The following FEM1A variants were observed in gnomAD, a reference collection of about 807,000 sequenced individuals.
The protein encoded by FEM1A is protein fem-1 homolog A.
Under a neutral mutation model 0.7 loss-of-function variants are expected in FEM1A, and 1 was observed. The observed-to-expected ratio is 1.35, with a 90% confidence interval of 0.48 to 6.40. The LOEUF (loss-of-function observed/expected upper bound fraction) is 6.40. Ranked by LOEUF, FEM1A falls within the 30% of genes most tolerant of loss-of-function variation. The pLI is 0.14. For synonymous variants in FEM1A, 391 were observed against 420.6 expected (o/e 0.93, Z 0.86); for missense variants, 721 against 918.7 (o/e 0.78, Z 2.78).
At position 4,793,688 on chromosome 19, in the gene FEM1A, G is replaced by A. The variant is rs1282042371; in HGVS notation, c.1834G>A (p.Ala612Thr). 3.1e-6 allele frequency: 5 copies of A among 1,612,928 alleles called. No individual in the cohort carries two copies. Among genetic ancestry groups the A allele is most frequent in the Non-Finnish European group, 3.4e-6 (4 of 1,179,826 alleles). Residue 612 changes from alanine to threonine, a missense_variant, in exon 1 of 1, where the codon GCC becomes ACC. Physicochemically the swap from Ala to Thr is moderately conservative, Grantham distance 58 (BLOSUM62 0). This residue lies in a region of FEM1A where 379 missense variants were observed against 454.8 expected (regional missense o/e 0.83). Coordinates refer to ENST00000269856, the MANE Select transcript of FEM1A (RefSeq NM_018708.3). This position sits in a 1 kb window ranked among gnomAD's most constrained non-coding sequence, Gnocchi z 5.1. The stretch of plus-strand genomic sequence containing the variant: ...AGGGGCCCACATGGACGCCACCAAT[G>A]CCTTCAAGAAGACGGCCTACGAGCT... ...EAGAHMDATN[A>T]FKKTAYELLD...
At position 4,792,949 on chromosome 19, in the gene FEM1A, C is replaced by A. The variant is rs1415085011; in HGVS notation, c.1095C>A (p.Thr365=). Residue 365 remains threonine, a synonymous_variant, in exon 1 of 1, where the codon ACC becomes ACA. Transcript: ENST00000269856. This position sits in a 1 kb window ranked among gnomAD's most constrained non-coding sequence, Gnocchi z 6.7. The stretch of plus-strand genomic sequence containing the variant: ...CCGAGGAGCTGGAGGCGCTGATCAC[C>A]GACCCGGATGAGATGCGCATGCAGG... ...NTTEELEALI[T]DPDEMRMQAL... 3.7e-6 allele frequency: 6 copies of A among 1,612,486 alleles called. No individual in the cohort carries two copies. In the African/African-American group the frequency reaches 4.0e-5, roughly 11 times the overall value.
rs1355242453 is a variant in FEM1A at position 4,791,963 on chromosome 19, G to T, written c.109G>T (p.Glu37Ter). ...SREELDELTG[E>*]VAGGGTPLLI... ...GGAGGAACTGGACGAGCTGACGGGC[G>T]AGGTGGCCGGCGGGGGAACGCCGCT... Residue 37 changes from glutamate to a stop codon, truncating the protein, a stop_gained, in exon 1 of 1, where the codon GAG becomes TAG. Transcript: ENST00000269856. LOFTEE classifies it low-confidence loss of function (END_TRUNC). 2 of 1,533,054 alleles carry T rather than the reference G, an allele frequency of 1.3e-6. No homozygotes were observed. The highest frequency in any genetic ancestry group is 1.7e-6 in the Non-Finnish European group (2 of 1,147,102). The allele number at this position is 1,533,054 out of a possible 1,614,324, so 95.0% of individuals were successfully genotyped here. A position where few individuals can be genotyped will look rare whatever the true frequency, so the allele number is the denominator to read the frequency against.
At position 4,795,524 on chromosome 19, in the gene FEM1A, T is replaced by C. The variant is rs1007472598; in HGVS notation, c.*1660T>C. The C allele has an allele frequency of 1.2e-5, 2 of 166,876 alleles. No homozygotes were observed. Among genetic ancestry groups the C allele is most frequent in the African/African-American group, 4.8e-5 (2 of 41,372 alleles). 10.3% of individuals were successfully genotyped at this position (166,876 alleles called of 1,614,324 possible). A position where few individuals can be genotyped will look rare whatever the true frequency, so the allele number is the denominator to read the frequency against. ...CCGTTTACATGGCGAGTCTCCGTGC[T>C]GGTGTTTAAGTCATTAAAAAGATAC... On this transcript the variant is annotated 3_prime_UTR_variant, in exon 1 of 1. Transcript: ENST00000269856.
Position 4,798,060 on chromosome 19 carries a change from CCG to C in FEM1A, c.*4197_*4198del. The C allele has an allele frequency of 7.8e-6, 1 of 127,572 alleles. No homozygotes were observed. Among genetic ancestry groups the C allele is most frequent in the Non-Finnish European group, 1.7e-5 (1 of 60,466 alleles). The allele number at this position is 127,572 out of a possible 1,614,324, so 7.9% of individuals were successfully genotyped here. ...CCATCCTGGCTAACACGGTGAAACCCCGTCTCTACTAAAAATACAAAAATTAG... is the reference window on the plus strand; with the variant it reads ...CCATCCTGGCTAACACGGTGAAACCCTCTCTACTAAAAATACAAAAATTAG... On this transcript the variant is annotated 3_prime_UTR_variant, in exon 1 of 1. Transcript: ENST00000269856.
In FEM1A at chr19:4,794,094, G is replaced by T. The variant is rs2093558217; in HGVS notation, c.*230G>T. 1.8e-6 allele frequency: 1 copy of T among 547,352 alleles called. No homozygotes were observed. Among genetic ancestry groups the T allele is most frequent in the Non-Finnish European group, 3.4e-6 (1 of 297,472 alleles). The allele number at this position is 547,352 out of a possible 1,614,324, so 33.9% of individuals were successfully genotyped here. ...GAGGACAGTCTTTCTCCGGGAGCCC[G>T]CTCACTCATTCTGAGTTAGGAAAAG... On this transcript the variant is annotated 3_prime_UTR_variant, in exon 1 of 1. Coordinates refer to ENST00000269856, the MANE Select transcript of FEM1A (RefSeq NM_018708.3).
In FEM1A at chr19:4,792,504, C is replaced by T. The variant is rs1206314634; in HGVS notation, c.650C>T (p.Thr217Ile). The T allele has an allele frequency of 3.8e-6, 6 of 1,598,212 alleles. No individual in the cohort carries two copies. The highest frequency in any genetic ancestry group is 1.1e-5 in the South Asian group (1 of 91,008). The change falls in exon 1 of 1, where the codon ACC (threonine) becomes ATC (isoleucine). Residue 217 changes from threonine (T) to isoleucine (I), a missense_variant. Physicochemically the swap from Thr to Ile is moderately conservative, Grantham distance 89. Around this residue, in one of 4 missense-constraint regions of FEM1A, gnomAD observed 137 missense variants for 121.7 expected, o/e 1.13. Transcript: ENST00000269856. This position sits in a 1 kb window ranked among gnomAD's most constrained non-coding sequence, Gnocchi z 6.7. The stretch of plus-strand genomic sequence containing the variant: ...ATGGAACGTGACGGCTACGGCATGA[C>T]CCCGCTGCTCGCGGCCAGCGTGACG... ...ARMERDGYGM[T>I]PLLAASVTGH... is the part of the protein sequence containing the mutation.
In FEM1A at chr19:4,797,060, C is replaced by A. The variant is rs569044688; in HGVS notation, c.*3196C>A. ...TGTGGTTAAATGCACTGCCTGTTTA[C>A]ACAACAGCCCTCTAAAGGAGGAAAA... On this transcript the variant is annotated 3_prime_UTR_variant, in exon 1 of 1. Transcript: ENST00000269856. 6.6e-6 allele frequency: 1 copy of A among 150,558 alleles called. No homozygotes were observed. The highest frequency in any genetic ancestry group is 6.6e-5 in the Admixed American group (1 of 15,072). The allele number at this position is 150,558 out of a possible 1,614,324, so 9.3% of individuals were successfully genotyped here. A position where few individuals can be genotyped will look rare whatever the true frequency, so the allele number is the denominator to read the frequency against.
At position 4,800,953 on chromosome 19, in the gene FEM1A, T is replaced by A. The variant is rs1439094221; in HGVS notation, c.*7089T>A. The A allele has an allele frequency of 6.6e-6, 1 of 151,966 alleles. No individual in the cohort carries two copies. The highest frequency in any genetic ancestry group is 1.9e-4 in the East Asian group (1 of 5,170). The allele number at this position is 151,966 out of a possible 1,614,324, so 9.4% of individuals were successfully genotyped here. A position where few individuals can be genotyped will look rare whatever the true frequency, so the allele number is the denominator to read the frequency against. ...CTCTGACCGAGTGTTTACCAAAACA[T>A]GTATTAGGCAAGACCCGGGCCGAAT... On this transcript the variant is annotated 3_prime_UTR_variant, in exon 1 of 1. Transcript: ENST00000269856.
rs368001749 is a variant in FEM1A at position 4,793,718 on chromosome 19, G to A, written c.1864G>A (p.Asp622Asn). The change falls in exon 1 of 1, where the codon GAC (aspartate) becomes AAC (asparagine). Residue 622 changes from aspartate (D) to asparagine (N), a missense_variant. Around this residue, in one of 4 missense-constraint regions of FEM1A, gnomAD observed 379 missense variants for 454.8 expected, o/e 0.83. Coordinates refer to ENST00000269856, the MANE Select transcript of FEM1A (RefSeq NM_018708.3). The surrounding 1 kb of genome is among the most constrained non-coding windows in gnomAD (Gnocchi z 5.1). The part of the protein sequence containing the change: ...AFKKTAYELL[D>N]EKLLARGTMQ... Reference sequence around the variant, plus strand: ...CAAGAAGACGGCCTACGAGCTGCTGGACGAGAAGCTGCTGGCCAGGGGTAC... The same window carrying A: ...CAAGAAGACGGCCTACGAGCTGCTGAACGAGAAGCTGCTGGCCAGGGGTAC... 9.3e-6 allele frequency: 15 copies of A among 1,612,798 alleles called. No individual in the cohort carries two copies. The African/African-American group carries it at 2.0e-4, about 22-fold the overall frequency.
chr19:4,793,763 G>A lies in FEM1A; in HGVS notation c.1909G>A (p.Val637Met), dbSNP rs551666577. 5 of 1,611,970 alleles carry A rather than the reference G, an allele frequency of 3.1e-6. No individual in the cohort carries two copies. In the East Asian group the frequency reaches 6.7e-5, roughly 22 times the overall value. ...GGGTACCATGCAGCCCTTCAACTAC[G>A]TGACCCTGCAGTGCCTTGCGGCCCG... ...ARGTMQPFNYVTLQCLAARAL... is the reference protein window; with the variant it reads ...ARGTMQPFNYMTLQCLAARAL... The change falls in exon 1 of 1, where the codon GTG becomes ATG. Residue 637 changes from valine to methionine, a missense_variant. By Grantham distance (21) the Val-to-Met change is conservative (BLOSUM62 1). Coordinates refer to ENST00000269856, the MANE Select transcript of FEM1A (RefSeq NM_018708.3). The surrounding 1 kb of genome is among the most constrained non-coding windows in gnomAD (Gnocchi z 5.1).
chr19:4,792,207 C>G lies in FEM1A; in HGVS notation c.353C>G (p.Thr118Arg), dbSNP rs2093555279. 4.0e-6 allele frequency: 6 copies of G among 1,500,298 alleles called. No individual in the cohort carries two copies. The highest frequency in any genetic ancestry group is 3.6e-6 in the Non-Finnish European group (4 of 1,125,812). The allele number at this position is 1,500,298 out of a possible 1,614,324, so 92.9% of individuals were successfully genotyped here. ...AACCGCACCACGCGCACCAACTCCA[C>G]GCCTCTCCGCGCCGCCTGCTTCGAC... Reference protein sequence around the residue: ...SVNRTTRTNSTPLRAACFDGH... With the variant: ...SVNRTTRTNSRPLRAACFDGH... Residue 118 changes from threonine to arginine, a missense_variant, in exon 1 of 1, where the codon ACG becomes AGG. By Grantham distance (71) the Thr-to-Arg change is moderately conservative. Transcript: ENST00000269856. The surrounding 1 kb of genome is among the most constrained non-coding windows in gnomAD (Gnocchi z 6.7).
At position 4,793,911 on chromosome 19, in the gene FEM1A, A is replaced by G. The variant is rs1167121495; in HGVS notation, c.*47A>G. 2.0e-6 allele frequency: 3 copies of G among 1,536,918 alleles called. No homozygotes were observed. The East Asian group carries it at 7.2e-5, about 37-fold the overall frequency. ...CTCACCTCTCCCCTCTCCTGCTGAGATGGGGGAAATCCGGCTGCGGCATAG... is the reference window on the plus strand; with the variant it reads ...CTCACCTCTCCCCTCTCCTGCTGAGGTGGGGGAAATCCGGCTGCGGCATAG... On this transcript the variant is annotated 3_prime_UTR_variant, in exon 1 of 1. Transcript: ENST00000269856. This position sits in a 1 kb window ranked among gnomAD's most constrained non-coding sequence, Gnocchi z 5.1.
rs1048237162 is a variant in FEM1A, at chr19:4,799,639, G to T, written c.*5775G>T. 5.3e-5 allele frequency: 8 copies of T among 151,848 alleles called. No homozygotes were observed. Among genetic ancestry groups the T allele is most frequent in the South Asian group, 2.1e-4 (1 of 4,824 alleles). 9.4% of individuals were successfully genotyped at this position (151,848 alleles called of 1,614,324 possible). ...TGGGGCCATCTGGCTGGGTGCGGTG[G>T]CTCACGCCTGTAATCCCAACACTTT... is the stretch of plus-strand genomic sequence containing the variant. On this transcript the variant is annotated 3_prime_UTR_variant, in exon 1 of 1. Coordinates refer to ENST00000269856, the MANE Select transcript of FEM1A (RefSeq NM_018708.3).
At position 4,799,428 on chromosome 19, in the gene FEM1A, C is replaced by CA. The variant is rs549640820; in HGVS notation, c.*5567dup. On this transcript the variant is annotated 3_prime_UTR_variant, in exon 1 of 1. Coordinates refer to ENST00000269856, the MANE Select transcript of FEM1A (RefSeq NM_018708.3). Reference sequence around the variant, plus strand: ...GACTCTGTCTCAAAACAAAACAAAACAAACAAACAAACAAACAAACAAAAA... The same window carrying CA: ...GACTCTGTCTCAAAACAAAACAAAACAAAACAAACAAACAAACAAACAAAAA... 62 of 92,144 alleles carry CA rather than the reference C, an allele frequency of 6.7e-4. No individual in the cohort carries two copies. Among genetic ancestry groups the CA allele is most frequent in the South Asian group, 1.8e-3 (8 of 4,532 alleles). The allele number at this position is 92,144 out of a possible 1,614,324, so 5.7% of individuals were successfully genotyped here. A position where few individuals can be genotyped will look rare whatever the true frequency, so the allele number is the denominator to read the frequency against.
rs761432604 is a variant in FEM1A at position 4,793,441 on chromosome 19, G to C, written c.1587G>C (p.Ala529=). The change falls in exon 1 of 1, where the codon GCG becomes GCC. Residue 529 remains alanine, a synonymous_variant. Transcript: ENST00000269856. This position sits in a 1 kb window ranked among gnomAD's most constrained non-coding sequence, Gnocchi z 5.1. ...CCGTCTACCGCCTGCTCAAGTGCGC[G>C]CCCAGGGGCAAGAACGGCTTCACCC... ...HQTVYRLLKC[A]PRGKNGFTPL... is the part of the protein sequence containing the mutation. The C allele has an allele frequency of 3.1e-6, 5 of 1,612,296 alleles. No homozygotes were observed. The South Asian group carries it at 5.5e-5, about 18-fold the overall frequency.
Position 4,792,689 on chromosome 19 carries a change from G to A in FEM1A, c.835G>A (p.Glu279Lys). 1.9e-6 allele frequency: 3 copies of A among 1,612,190 alleles called. No individual in the cohort carries two copies. Among genetic ancestry groups the A allele is most frequent in the Non-Finnish European group, 2.5e-6 (3 of 1,179,864 alleles). The change falls in exon 1 of 1, where the codon GAA becomes AAA. Residue 279 changes from glutamate to lysine, a missense_variant. By Grantham distance (56) the Glu-to-Lys change is moderately conservative. Coordinates refer to ENST00000269856, the MANE Select transcript of FEM1A (RefSeq NM_018708.3). The surrounding 1 kb of genome is among the most constrained non-coding windows in gnomAD (Gnocchi z 6.7). ...TCCGTGCTGCAGCTCCTCCCCAGAG[G>A]AACCACTGAACGGGGAATCTTACGA... The part of the protein sequence containing the change: ...GAPCCSSSPE[E>K]PLNGESYESC...
Position 4,799,891 on chromosome 19 carries a change from C to T in FEM1A, c.*6027C>T, listed in dbSNP as rs1245991815. 2 of 42,760 alleles carry T rather than the reference C, an allele frequency of 4.7e-5. No homozygotes were observed. Among genetic ancestry groups the T allele is most frequent in the Admixed American group, 3.7e-4 (1 of 2,696 alleles). 2.6% of individuals were successfully genotyped at this position (42,760 alleles called of 1,614,324 possible). On this transcript the variant is annotated 3_prime_UTR_variant, in exon 1 of 1. Coordinates refer to ENST00000269856, the MANE Select transcript of FEM1A (RefSeq NM_018708.3). ...CTGCACTCCAGCCTGGGTGACATAG[C>T]AAGACTCTGTCTCAAAAAAAAAAAA...
In FEM1A at chr19:4,796,280, C is replaced by T. The variant is rs1166181007; in HGVS notation, c.*2416C>T. 6.6e-6 allele frequency: 1 copy of T among 151,364 alleles called. No individual in the cohort carries two copies. Among genetic ancestry groups the T allele is most frequent in the African/African-American group, 2.4e-5 (1 of 41,030 alleles). 9.4% of individuals were successfully genotyped at this position (151,364 alleles called of 1,614,324 possible). ...CATCTCGGCTCACTGCAACCGCTGCCTCCCGGGTTCAAGTGATTCTCCTGC... is the reference window on the plus strand; with the variant it reads ...CATCTCGGCTCACTGCAACCGCTGCTTCCCGGGTTCAAGTGATTCTCCTGC... On this transcript the variant is annotated 3_prime_UTR_variant, in exon 1 of 1. Transcript: ENST00000269856.
Position 4,792,950 on chromosome 19 carries a change from G to C in FEM1A, c.1096G>C (p.Asp366His), listed in dbSNP as rs748527950. The change falls in exon 1 of 1, where the codon GAC (aspartate) becomes CAC (histidine). Residue 366 changes from aspartate (D) to histidine (H), a missense_variant. Around this residue, in one of 4 missense-constraint regions of FEM1A, gnomAD observed 379 missense variants for 454.8 expected, o/e 0.83. Transcript: ENST00000269856. This position sits in a 1 kb window ranked among gnomAD's most constrained non-coding sequence, Gnocchi z 6.7. ...TTEELEALITDPDEMRMQALL... is the reference protein window; with the variant it reads ...TTEELEALITHPDEMRMQALL... ...CGAGGAGCTGGAGGCGCTGATCACC[G>C]ACCCGGATGAGATGCGCATGCAGGC... 1.2e-6 allele frequency: 2 copies of C among 1,612,406 alleles called. No individual in the cohort carries two copies. Among genetic ancestry groups the C allele is most frequent in the South Asian group, 1.1e-5 (1 of 91,024 alleles).
Sources: gnomAD v4.1 joint callset for allele counts on GRCh38, gnomAD v4.1.1 for gene constraint, gnomAD v4.1.1 regional missense constraint, Gnocchi (gnomAD v3.1) non-coding constraint, MANE v1.5 for transcripts, NCBI Gene and HGNC (gene_info 2026-07-23, HGNC 2026-07-21) for gene names.